The following COMMD10 variants were observed in gnomAD, a reference collection of about 807,000 sequenced individuals.
The protein encoded by COMMD10 is COMM domain containing 10, also known as COMM domain-containing protein 10.
A neutral mutation model predicts 28.9 loss-of-function variants in COMMD10; 33 were observed. That is an observed-to-expected ratio of 1.14 (90% CI 0.87 to 1.53). The LOEUF is 1.53. COMMD10 is among the 40% of genes most tolerant of loss of function. The probability of loss-of-function intolerance (pLI) is 0.00; values close to 1 mark genes in which losing one functional copy is unlikely to be tolerated. For missense variants in COMMD10, 310 were observed against 233.4 expected (o/e 1.33, Z -2.14); for synonymous variants, 110 against 81.7 (o/e 1.35, Z -1.87).
chr5:116,191,228 C>G (rs571644071), intron 5 of COMMD10, among the ~76,000 whole-genome samples: 2 of 152,228 alleles, frequency 1.3e-5, no homozygotes, highest in African/African-American at 4.8e-5. Flanking sequence ...GGGGGCAAAA[C>G]TCCACAGAGA....
intron 5 of COMMD10, among the ~76,000 whole-genome samples, chr5:116,263,646 G>A (rs577522108): frequency 2.0e-5 from 3 of 151,688 alleles, no homozygotes; most frequent in South Asian, 2.1e-4. Flanking sequence ...CTCCACAATC[G>A]TTTTTCTTAA....
intron 5 of COMMD10, among the ~76,000 whole-genome samples, chr5:116,168,560 C>T (rs1357443065): frequency 6.6e-6 from 1 of 152,110 alleles, no homozygotes; most frequent in African/African-American, 2.4e-5. Context: ...CGCACTTATT[C>T]TAAAATTGAC....
chr5:116,169,037 C>CA (rs199750022), intron 5 of COMMD10, among the ~76,000 whole-genome samples: 243 of 149,978 alleles, frequency 1.6e-3, no homozygotes, highest in African/African-American at 5.3e-3. Flanking sequence ...TAAATTCATT[C>CA]AAAAAAAAAT....
intron 5 of COMMD10, among the ~76,000 whole-genome samples, chr5:116,258,567 A>AT (rs1350546665): frequency 6.6e-6 from 1 of 151,676 alleles, no homozygotes; most frequent in African/African-American, 2.4e-5. Context: ...TTGATTGCTG[A>AT]TTAGACTTGA....
intron 5 of COMMD10, among the ~76,000 whole-genome samples, chr5:116,259,231 T>G (rs1381091901): frequency 6.6e-6 from 1 of 151,426 alleles, no homozygotes; most frequent in Non-Finnish European, 1.5e-5. Flanking sequence ...CCTGGCCAAT[T>G]TTTGTATTTT....
intron 5 of COMMD10, among the ~76,000 whole-genome samples, chr5:116,286,377 A>T (rs141794367): frequency 2.1e-5 from 3 of 143,832 alleles, no homozygotes; most frequent in African/African-American, 7.7e-5. Context: ...GTTGTAATCT[A>T]TATTATTTTC....
At chr5:116,141,053 T>C (rs755427959) in intron 5 of COMMD10, among the ~76,000 whole-genome samples, 5 of 151,900 alleles carry the variant, frequency 3.3e-5, no homozygotes, top group Non-Finnish European at 7.4e-5. Flanking sequence ...CTAGGAGTTT[T>C]ATGGTTTCAG....
At chr5:116,258,415 T>C (rs1160991586) in intron 5 of COMMD10, among the ~76,000 whole-genome samples, 2 of 151,512 alleles carry the variant, frequency 1.3e-5, no homozygotes, top group East Asian at 3.9e-4. Flanking sequence ...GACACTACTA[T>C]TGGACACCAC....
intron 5 of COMMD10, among the ~76,000 whole-genome samples, chr5:116,282,023 G>A (rs941886857): frequency 2.1e-4 from 32 of 151,592 alleles, no homozygotes; most frequent in Non-Finnish European, 3.4e-4. Context: ...CTCTTTTCTG[G>A]CTCTCCAGAC....
At chr5:116,263,111 T>C (rs1044388697) in intron 5 of COMMD10, among the ~76,000 whole-genome samples, 1 of 151,858 alleles carries the variant, frequency 6.6e-6, no homozygotes, top group Admixed American at 6.6e-5. Flanking sequence ...TTCACGAATA[T>C]ATAAGCCGTT....
intron 4 of COMMD10, 58 bp from the exon 5 acceptor site, chr5:116,134,010 G>A (rs1751944999): frequency 3.0e-6 from 3 of 998,090 alleles, no homozygotes; most frequent in Non-Finnish European, 3.2e-6. Flanking sequence ...TTTGCTTAAA[G>A]TTGACTGTTT....
At chr5:116,157,189 C>T (rs1467552576) in intron 5 of COMMD10, among the ~76,000 whole-genome samples, 3 of 152,126 alleles carry the variant, frequency 2.0e-5, no homozygotes, top group African/African-American at 7.2e-5. Flanking sequence ...AAGCTGAAGG[C>T]CACTGTTTAA....
chr5:116,159,673 G>T (rs904997183), intron 5 of COMMD10, among the ~76,000 whole-genome samples: 1 of 152,164 alleles, frequency 6.6e-6, no homozygotes, highest in East Asian at 1.9e-4. Flanking sequence ...AACTGTGGAG[G>T]TTTATTCCAA....
intron 5 of COMMD10, among the ~76,000 whole-genome samples, chr5:116,152,580 T>G (rs568627215): frequency 6.6e-6 from 1 of 152,234 alleles, no homozygotes; most frequent in African/African-American, 2.4e-5. Flanking sequence ...TAATCATTAT[T>G]TTTTGTTAAA....
chr5:116,203,614 C>T (rs956140398), intron 5 of COMMD10, among the ~76,000 whole-genome samples: 2 of 152,040 alleles, frequency 1.3e-5, no homozygotes, highest in African/African-American at 4.8e-5. Context: ...GAATTTTCAA[C>T]CCAGAATTTC....
At chr5:116,099,958 A>G (rs1750602969) in intron 4 of COMMD10, among the ~76,000 whole-genome samples, 2 of 152,162 alleles carry the variant, frequency 1.3e-5, no homozygotes, top group Non-Finnish European at 2.9e-5. Flanking sequence ...ATTTGCATAT[A>G]CATAATGAGA....
intron 5 of COMMD10, among the ~76,000 whole-genome samples, chr5:116,185,257 T>C (rs780614637): frequency 2.0e-5 from 3 of 152,032 alleles, no homozygotes; most frequent in Non-Finnish European, 4.4e-5. Flanking sequence ...TGAACAAAAA[T>C]GGTCAGTTGT....
intron 4 of COMMD10, among the ~76,000 whole-genome samples, chr5:116,096,317 C>T (rs1054120750): frequency 6.7e-6 from 1 of 149,956 alleles, no homozygotes; most frequent in South Asian, 2.1e-4. Context: ...AGGTTTGTAC[C>T]TTAAGTACTT....
intron 5 of COMMD10, among the ~76,000 whole-genome samples, chr5:116,148,818 A>G (rs1344054148): frequency 6.6e-6 from 1 of 151,588 alleles, no homozygotes; most frequent in Admixed American, 6.6e-5. Context: ...AATTACATAT[A>G]TTATGGGATT....
Sources: gnomAD v4.1 joint callset for allele counts (sites outside exome capture counted in the v4.1 genomes callset) on GRCh38, gnomAD v4.1.1 for gene constraint, MANE v1.5 for transcripts, NCBI Gene and HGNC (gene_info 2026-07-23, HGNC 2026-07-21) for gene names.